Variants in LNX1 observed in about 807,000 individuals in gnomAD.
LNX1 encodes E3 ubiquitin-protein ligase LNX.
LNX1 carries 54 observed loss-of-function variants against 68.4 expected under a neutral mutation model. The observed-to-expected ratio is 0.79, with a 90% confidence interval of 0.63 to 0.99. LNX1 has a LOEUF of 0.99. Ranked by LOEUF, LNX1 falls within the 50% of genes least tolerant of loss-of-function variation. The probability of loss-of-function intolerance (pLI) is 0.00; values close to 1 mark genes in which losing one functional copy is unlikely to be tolerated. For missense variants in LNX1, 906 were observed against 926.4 expected, an observed-to-expected ratio of 0.98 and a Z score of 0.29; for synonymous variants, 336 against 350.0, an observed-to-expected ratio of 0.96 and a Z score of 0.45.
intron 2 of LNX1, among the ~76,000 whole-genome samples, chr4:53,611,607 C>T (rs184844038): frequency 5.3e-5 from 8 of 152,252 alleles, no homozygotes; most frequent in East Asian, 1.9e-4. Context: ...ATAAACCCAT[C>T]GTATTAGGTT....
At chr4:53,621,192 T>C (rs375261163), upstream of LNX1, among the ~76,000 whole-genome samples, 4 of 152,244 alleles carry the variant, frequency 2.6e-5, no homozygotes, top group East Asian at 3.9e-4. Context: ...AGGTGACTTG[T>C]ATGCATATTC....
chr4:53,609,895 TTTA>T (rs982302585), intron 2 of LNX1, among the ~76,000 whole-genome samples: 1 of 150,406 alleles, frequency 6.6e-6, no homozygotes, highest in African/African-American at 2.4e-5. Context: ...GCATATAATT[TTTA>T]TTATAAATAC....
chr4:53,589,069 G>T (rs528702371), intron 1 of LNX1, among the ~76,000 whole-genome samples: 1 of 152,216 alleles, frequency 6.6e-6, no homozygotes, highest in South Asian at 2.1e-4. Context: ...TGAGACTGGA[G>T]GAGACCAAAC....
chr4:53,591,589 A>G, upstream of LNX1: 2 of 985,432 alleles, frequency 2.0e-6, no homozygotes, highest in South Asian at 4.7e-5. Flanking sequence ...CGACAGATAA[A>G]GCATTGCTGA....
upstream of LNX1, chr4:53,593,016 AAAC>A (rs755144388): frequency 2.6e-5 from 4 of 152,230 alleles, no homozygotes; most frequent in Admixed American, 6.5e-5. Context: ...TGAAGGCTTA[AAAC>A]AACAACAACC....
chr4:53,642,745 G>A (rs1377092904), intron 1 of LNX1, among the ~76,000 whole-genome samples: 11 of 152,124 alleles, frequency 7.2e-5, no homozygotes, highest in Non-Finnish European at 1.3e-4. Flanking sequence ...GTTTCCTTTG[G>A]GTTGACTATA....
rs758864236 is a variant in LNX1 at position 53,507,355 on chromosome 4, T to C, written c.737A>G (p.Gln246Arg). ...SGSAVANHADQGRENSENTTA... is the reference protein window; with the variant it reads ...SGSAVANHADRGRENSENTTA... Reference sequence around the variant, plus strand: ...GGTGTTTTCAGAATTTTCCCTGCCCTGGTCGGCATGGTTGGCAACTGCACT... The same window carrying C: ...GGTGTTTTCAGAATTTTCCCTGCCCCGGTCGGCATGGTTGGCAACTGCACT... Residue 246 changes from glutamine (Q) to arginine (R), a missense_variant, in exon 4 of 11, where the codon CAG becomes CGG. Physicochemically the swap from Gln to Arg is conservative, Grantham distance 43 (BLOSUM62 1). Transcript: ENST00000263925. The C allele has an allele frequency of 6.2e-7, 1 of 1,614,178 alleles. No individual in the cohort carries two copies. The highest frequency in any genetic ancestry group is 8.5e-7 in the Non-Finnish European group (1 of 1,180,020).
At chr4:53,511,137 TCA>T (rs748806362) in intron 2 of LNX1, among the ~76,000 whole-genome samples, 2 of 152,172 alleles carry the variant, frequency 1.3e-5, no homozygotes, top group Non-Finnish European at 2.9e-5. Flanking sequence ...GTATTCAGAC[TCA>T]CGTGCTTTGT....
At chr4:53,496,890 T>C (rs1560627811) in intron 5 of LNX1, among the ~76,000 whole-genome samples, 1 of 152,108 alleles carries the variant, frequency 6.6e-6, no homozygotes, top group Non-Finnish European at 1.5e-5. Context: ...CCACTGTGTG[T>C]GTATGTAGAT....
chr4:53,509,512 T>C (rs1313652032), intron 2 of LNX1, among the ~76,000 whole-genome samples: 2 of 152,300 alleles, frequency 1.3e-5, no homozygotes, highest in East Asian at 1.9e-4. Context: ...TTTACATAGC[T>C]GGGTGATCTA....
intron 2 of LNX1, among the ~76,000 whole-genome samples, chr4:53,518,415 T>C (rs1726954932): frequency 6.6e-6 from 1 of 152,228 alleles, no homozygotes; most frequent in African/African-American, 2.4e-5. Context: ...TTAATGCCGA[T>C]GTTTTTCCTA....
At chr4:53,616,840 C>A (rs1402643167) in intron 1 of LNX1, among the ~76,000 whole-genome samples, 1 of 152,160 alleles carries the variant, frequency 6.6e-6, no homozygotes, top group Non-Finnish European at 1.5e-5. Context: ...ATGGCAGAGT[C>A]TCATCTTTTA....
intron 2 of LNX1, among the ~76,000 whole-genome samples, chr4:53,538,026 A>G (rs1728498359): frequency 6.6e-6 from 1 of 152,220 alleles, no homozygotes; most frequent in Admixed American, 6.5e-5. Flanking sequence ...AATACCAAAG[A>G]TTAGGGAACA....
chr4:53,572,649 C>T (rs1279190771), intron 2 of LNX1, among the ~76,000 whole-genome samples: 5 of 152,134 alleles, frequency 3.3e-5, no homozygotes, highest in Non-Finnish European at 7.4e-5. Context: ...ATTGTTCACC[C>T]TTTATTAAGC....
chr4:53,634,287 A>G (rs2109875999), intron 1 of LNX1, among the ~76,000 whole-genome samples: 1 of 147,426 alleles, frequency 6.8e-6, no homozygotes, highest in Non-Finnish European at 1.5e-5. Context: ...TCTGTCACCC[A>G]GGCTGGAGTA....
At chr4:53,574,165 G>T in intron 1 of LNX1, 77 bp from the exon 2 acceptor site, 2 of 1,067,804 alleles carry the variant, frequency 1.9e-6, no homozygotes, top group Non-Finnish European at 2.6e-6. Flanking sequence ...ATGAGACAGG[G>T]CTGCCAATGC....
At chr4:53,603,970 A>G (rs1234093308) in intron 2 of LNX1, 1 of 152,240 alleles carries the variant, frequency 6.6e-6, no homozygotes, top group Non-Finnish European at 1.5e-5. Flanking sequence ...AAATATTTTG[A>G]AAACCACCTA....
At chr4:53,499,865 C>G (rs1725350799) in intron 4 of LNX1, among the ~76,000 whole-genome samples, 1 of 152,172 alleles carries the variant, frequency 6.6e-6, no homozygotes, top group South Asian at 2.1e-4. Flanking sequence ...TCACTGAGTT[C>G]AGAGCAAGGA....
chr4:53,539,784 TGCTCGCTTCATATTTTCAAAGTCA>T (rs1317559022), intron 2 of LNX1, among the ~76,000 whole-genome samples: 1 of 152,188 alleles, frequency 6.6e-6, no homozygotes, highest in East Asian at 1.9e-4. Context: ...TCAAAGATAT[TGCTCGCTTCATATTTTCAAAGTCA>T]GCTTTTGGAG....
Sources: allele counts gnomAD v4.1 joint callset (sites outside exome capture counted in the v4.1 genomes callset), GRCh38; gene constraint gnomAD v4.1.1; transcripts MANE v1.5; gene names NCBI Gene and HGNC (gene_info 2026-07-23, HGNC 2026-07-21).